The following VAV3 variants were observed in gnomAD, a reference collection of about 807,000 sequenced individuals.
VAV3 encodes the protein guanine nucleotide exchange factor VAV3.
In VAV3, 94 loss-of-function variants were observed where a neutral mutation model predicts 131.2. The ratio of observed to expected loss-of-function variants is 0.72; its 90% CI spans 0.61 to 0.85. The LOEUF (loss-of-function observed/expected upper bound fraction) is 0.85. VAV3 is among the 40% of genes least tolerant of loss of function. The pLI is 0.00. For missense variants in VAV3, 939 were observed against 1,002.7 expected (o/e 0.94, Z 0.86); for synonymous variants, 349 against 342.0 (o/e 1.02, Z -0.22).
chr1:107,948,026 A>G (rs558076808), intron 1 of VAV3, among the ~76,000 whole-genome samples: 33 of 152,340 alleles, frequency 2.2e-4, no homozygotes, highest in Non-Finnish European at 4.4e-4. Context: ...TAAAATAGCA[A>G]AACTGCTCTC....
chr1:107,733,039 G>A (rs778447966), intron 15 of VAV3, among the ~76,000 whole-genome samples: 6 of 152,162 alleles, frequency 3.9e-5, no homozygotes, highest in Non-Finnish European at 8.8e-5. Context: ...ATCAATATTT[G>A]CTGTTCTACA....
intron 17 of VAV3, among the ~76,000 whole-genome samples, chr1:107,690,110 A>C (rs1305893212): frequency 6.6e-6 from 1 of 152,228 alleles, no homozygotes; most frequent in African/African-American, 2.4e-5. Flanking sequence ...TTCAGTGTTC[A>C]TAAATGAGTG....
Position 107,694,788 on chromosome 1 carries a change from T to A in VAV3, c.1706-6382A>T, listed in dbSNP as rs566982887. On this transcript the variant is annotated intron_variant, in intron 17 of 26. Coordinates refer to ENST00000370056, the MANE Select transcript of VAV3 (RefSeq NM_006113.5). ...TTTGTTGATCCATTCACTCACTCCATTCCTCACTACTTCCTTGAGGTCAAA... is the reference window on the plus strand; with the variant it reads ...TTTGTTGATCCATTCACTCACTCCAATCCTCACTACTTCCTTGAGGTCAAA... 2.4e-4 allele frequency among the ~76,000 whole-genome samples: 37 copies of A among 152,320 alleles called. 1 individual carries two copies. The South Asian group carries it at 7.7e-3, about 32-fold the overall frequency.
intron 15 of VAV3, among the ~76,000 whole-genome samples, chr1:107,746,725 G>A (rs1234287452): frequency 2.0e-5 from 3 of 152,028 alleles, no homozygotes; most frequent in South Asian, 4.2e-4. Flanking sequence ...AGAAGCGAGT[G>A]GTATTTCTAC....
chr1:107,608,765 A>C (rs866117948), intron 22 of VAV3, among the ~76,000 whole-genome samples: 1 of 152,224 alleles, frequency 6.6e-6, no homozygotes, highest in Non-Finnish European at 1.5e-5. Flanking sequence ...GTTATAGAAC[A>C]GAAAATAATC....
At chr1:107,896,963 A>T (rs985998252) in intron 1 of VAV3, among the ~76,000 whole-genome samples, 2 of 152,106 alleles carry the variant, frequency 1.3e-5, no homozygotes, top group Non-Finnish European at 2.9e-5. Flanking sequence ...TCTGTACAAG[A>T]CACTGCACAG....
In VAV3 at chr1:107,826,421, G is replaced by T. The variant is rs554747822; in HGVS notation, c.322-46929C>A. Among the ~76,000 whole-genome samples the T allele has an allele frequency of 3.3e-5, 5 of 152,230 alleles. No individual in the cohort carries two copies. The East Asian group carries it at 9.6e-4, about 29-fold the overall frequency. On this transcript the variant is annotated intron_variant, in intron 2 of 26. Coordinates refer to ENST00000370056, the MANE Select transcript of VAV3 (RefSeq NM_006113.5). The stretch of plus-strand genomic sequence containing the variant: ...CTTAGGGAGTCATCAACCCTTCCAA[G>T]TTGAGCTTTATATTTGTAAACAGCG...
chr1:107,616,827 C>A (rs1653190076), intron 21 of VAV3, among the ~76,000 whole-genome samples: 1 of 152,024 alleles, frequency 6.6e-6, no homozygotes, highest in Non-Finnish European at 1.5e-5. Context: ...AGAGTTTTTC[C>A]CCTTCAGGCA....
At chr1:107,782,316 C>T (rs1343357724) in intron 2 of VAV3, among the ~76,000 whole-genome samples, 1 of 151,910 alleles carries the variant, frequency 6.6e-6, no homozygotes, top group Non-Finnish European at 1.5e-5. Context: ...CACCAAAAAC[C>T]AGAAAAATGA....
intron 15 of VAV3, among the ~76,000 whole-genome samples, chr1:107,744,416 G>C (rs1031008624): frequency 2.6e-5 from 4 of 152,106 alleles, no homozygotes; most frequent in Admixed American, 6.6e-5. Context: ...AGAATTGTTA[G>C]AATTTCAAAA....
chr1:107,688,903 T>C (rs1372932102), intron 17 of VAV3, among the ~76,000 whole-genome samples: 1 of 152,210 alleles, frequency 6.6e-6, no homozygotes, highest in African/African-American at 2.4e-5. Context: ...TTTTTAATTT[T>C]GGCAGAAATA....
intron 1 of VAV3, among the ~76,000 whole-genome samples, chr1:107,930,400 C>T (rs1205239769): frequency 6.6e-6 from 1 of 152,016 alleles, no homozygotes; most frequent in Non-Finnish European, 1.5e-5. Context: ...GACCCACTAG[C>T]TCAGAATGAG....
At chr1:107,659,975 C>T (rs1262608181) in intron 19 of VAV3, among the ~76,000 whole-genome samples, 4 of 152,166 alleles carry the variant, frequency 2.6e-5, no homozygotes, top group Non-Finnish European at 5.9e-5. Context: ...TTCCCTTTCC[C>T]CCACCTCAAG....
At chr1:107,581,362 C>T (rs1211261060) in intron 25 of VAV3, among the ~76,000 whole-genome samples, 1 of 152,134 alleles carries the variant, frequency 6.6e-6, no homozygotes, top group Non-Finnish European at 1.5e-5. Context: ...ATACATGGGG[C>T]ATTATTAGCA....
At chr1:107,952,573 T>A (rs1257415292) in intron 1 of VAV3, among the ~76,000 whole-genome samples, 1 of 150,844 alleles carries the variant, frequency 6.6e-6, no homozygotes, top group East Asian at 1.9e-4. Flanking sequence ...TTTTGTGACA[T>A]TAGTGGTATA....
intron 4 of VAV3, among the ~76,000 whole-genome samples, chr1:107,775,999 A>C (rs1665334132): frequency 6.6e-6 from 1 of 152,200 alleles, no homozygotes; most frequent in Non-Finnish European, 1.5e-5. Flanking sequence ...TTTACTAGCA[A>C]TATTACCCTC....
intron 1 of VAV3, among the ~76,000 whole-genome samples, chr1:107,952,487 C>CGTATATATATATATATAT: frequency 7.5e-6 from 1 of 133,464 alleles, no homozygotes; most frequent in Non-Finnish European, 1.5e-5. Flanking sequence ...TATATATATA[C>CGTATATATATATATATAT]ACACATAAAT....
intron 20 of VAV3, among the ~76,000 whole-genome samples, chr1:107,620,124 T>C (rs917684673): frequency 2.0e-5 from 3 of 152,204 alleles, no homozygotes; most frequent in African/African-American, 7.2e-5. Context: ...TGTGAGTTCC[T>C]TGGCATAAGG....
intron 1 of VAV3, among the ~76,000 whole-genome samples, chr1:107,953,269 C>T (rs913398379): frequency 2.6e-5 from 4 of 152,164 alleles, no homozygotes; most frequent in African/African-American, 9.7e-5. Flanking sequence ...CTTCCTGTCT[C>T]ATAGACATGA....
Sources: gnomAD v4.1 joint callset for allele counts (sites outside exome capture counted in the v4.1 genomes callset) on GRCh38, gnomAD v4.1.1 for gene constraint, MANE v1.5 for transcripts, NCBI Gene and HGNC (gene_info 2026-07-23, HGNC 2026-07-21) for gene names.